The following MACROD2 variants were observed in gnomAD, a reference collection of about 807,000 sequenced individuals.
MACROD2 encodes the protein mono-ADP ribosylhydrolase 2.
A neutral mutation model predicts 70.4 loss-of-function variants in MACROD2; 36 were observed. The observed-to-expected ratio is 0.51, with a 90% CI of 0.39 to 0.68. The LOEUF (loss-of-function observed/expected upper bound fraction) is 0.68, where lower values mean the gene tolerates loss of function less well. Ranked by LOEUF, MACROD2 falls within the 30% of genes least tolerant of loss-of-function variation. The probability of loss-of-function intolerance (pLI) is 0.00; values close to 1 mark genes in which losing one functional copy is unlikely to be tolerated. For missense variants in MACROD2, 496 were observed against 538.4 expected (o/e 0.92, Z 0.78); for synonymous variants, 172 against 178.8 (o/e 0.96, Z 0.30).
chr20:15,767,279 TAAG>T (rs2147008896), intron 8 of MACROD2, among the ~76,000 whole-genome samples: 1 of 152,360 alleles, frequency 6.6e-6, no homozygotes, highest in Non-Finnish European at 1.5e-5. Flanking sequence ...CACCACATTC[TAAG>T]AATGCTGGGG....
At chr20:15,505,249 A>G (rs1396435103) in intron 8 of MACROD2, among the ~76,000 whole-genome samples, 2 of 152,190 alleles carry the variant, frequency 1.3e-5, no homozygotes, top group Non-Finnish European at 2.9e-5. Context: ...CCTACAGCAC[A>G]TAGCACCATG....
At chr20:14,167,180 T>G (rs896328184) in intron 3 of MACROD2, among the ~76,000 whole-genome samples, 8 of 152,204 alleles carry the variant, frequency 5.3e-5, no homozygotes, top group African/African-American at 1.9e-4. Context: ...TTTTGGACTC[T>G]TCTCAGAATT....
At chr20:15,361,325 C>T (rs2078349106) in intron 6 of MACROD2, among the ~76,000 whole-genome samples, 1 of 152,124 alleles carries the variant, frequency 6.6e-6, no homozygotes, top group African/African-American at 2.4e-5. Flanking sequence ...AAAAGGTTAT[C>T]CTTACTCTAT....
chr20:14,700,956 C>CT (rs559442311), intron 5 of MACROD2, among the ~76,000 whole-genome samples: 134 of 152,154 alleles, frequency 8.8e-4, no homozygotes, highest in African/African-American at 2.9e-3. Flanking sequence ...GTAATGGGTT[C>CT]TGTAGCATGC....
intron 5 of MACROD2, among the ~76,000 whole-genome samples, chr20:15,199,562 C>T (rs934366383): frequency 3.3e-5 from 5 of 151,896 alleles, no homozygotes; most frequent in African/African-American, 9.7e-5. Flanking sequence ...GGTAAAGAGC[C>T]GTTAAATGAC....
At chr20:14,572,477 A>G (rs902041925) in intron 4 of MACROD2, among the ~76,000 whole-genome samples, 3 of 152,160 alleles carry the variant, frequency 2.0e-5, no homozygotes, top group African/African-American at 7.2e-5. Context: ...AAGACTGCAT[A>G]AGAATCTCGA....
rs563765027 is a variant in MACROD2 at position 15,441,233 on chromosome 20, A to G, written c.571+9798A>G. On this transcript the variant is annotated intron_variant, in intron 7 of 17. Transcript: ENST00000684519. ...ACATACATCCCAGAAAATATGGTAC[A>G]GACTCCTCTCGTGCTCTCCATACCC... Among the ~76,000 whole-genome samples, 7 of 152,266 alleles carry G rather than the reference A, an allele frequency of 4.6e-5. No homozygotes were observed. The East Asian group carries it at 1.2e-3, about 25-fold the overall frequency.
intron 5 of MACROD2, among the ~76,000 whole-genome samples, chr20:14,824,312 C>T (rs920772581): frequency 6.6e-6 from 1 of 152,002 alleles, no homozygotes; most frequent in Non-Finnish European, 1.5e-5. Context: ...TCATCAGTAG[C>T]AGACGGTAAG....
chr20:14,770,804 A>T lies in MACROD2; in HGVS notation c.418+85845A>T, dbSNP rs537216299. 2.4e-4 allele frequency among the ~76,000 whole-genome samples: 37 copies of T among 152,234 alleles called. No homozygotes were observed. The South Asian group carries it at 7.5e-3, about 31-fold the overall frequency. Reference sequence around the variant, plus strand: ...CCACAGGAGCTAAGTCTTTATTGGAAGTTGTAAAACCTGTGGTAGATCTGG... The same window carrying T: ...CCACAGGAGCTAAGTCTTTATTGGATGTTGTAAAACCTGTGGTAGATCTGG... On this transcript the variant is annotated intron_variant, in intron 5 of 17. Transcript: ENST00000684519.
intron 3 of MACROD2, among the ~76,000 whole-genome samples, chr20:14,474,294 A>G (rs887133961): frequency 2.6e-5 from 4 of 152,114 alleles, no homozygotes; most frequent in African/African-American, 9.7e-5. Context: ...TAGTAGTTTC[A>G]TAGTTTTGGA....
At chr20:14,077,450 A>C (rs2053928969) in intron 2 of MACROD2, among the ~76,000 whole-genome samples, 1 of 152,188 alleles carries the variant, frequency 6.6e-6, no homozygotes. Flanking sequence ...CTGTCTCCTT[A>C]AGTTTTCTTT....
chr20:15,562,644 T>C (rs563571092), intron 8 of MACROD2, among the ~76,000 whole-genome samples: 33 of 152,348 alleles, frequency 2.2e-4, no homozygotes, highest in African/African-American at 7.2e-4. Context: ...GCAAACTTTC[T>C]GAAGTCTTTA....
At chr20:15,863,773 A>G (rs11696492) in intron 9 of MACROD2, among the ~76,000 whole-genome samples, 6,701 of 152,300 alleles carry the variant, frequency 0.044, 188 homozygotes, top group Middle Eastern at 0.1. Flanking sequence ...AACAATAAAG[A>G]GGATGCCTTG....
chr20:15,733,610 T>C (rs927048597), intron 8 of MACROD2, among the ~76,000 whole-genome samples: 3 of 152,212 alleles, frequency 2.0e-5, no homozygotes, highest in African/African-American at 4.8e-5. Context: ...GATTTATTCA[T>C]TGACGTAGAC....
intron 12 of MACROD2, among the ~76,000 whole-genome samples, chr20:15,942,453 G>T (rs1337720982): frequency 6.6e-6 from 1 of 152,138 alleles, no homozygotes; most frequent in Non-Finnish European, 1.5e-5. Context: ...GGGTTGGTAG[G>T]CATTTTGAGG....
intron 8 of MACROD2, among the ~76,000 whole-genome samples, chr20:15,742,970 T>A (rs970492375): frequency 6.6e-6 from 1 of 152,224 alleles, no homozygotes; most frequent in African/African-American, 2.4e-5. Flanking sequence ...TCAGGTCAAT[T>A]GTATTTGTCT....
chr20:14,269,980 C>T (rs1013271591), intron 3 of MACROD2, among the ~76,000 whole-genome samples: 13 of 152,080 alleles, frequency 8.5e-5, no homozygotes, highest in African/African-American at 2.9e-4. Context: ...TTTTTACCTA[C>T]TACTCCAAGA....
In MACROD2 at chr20:15,337,460, G is replaced by A. The variant is rs1038255512; in HGVS notation, c.541-93945G>A. On this transcript the variant is annotated intron_variant, in intron 6 of 17. Coordinates refer to ENST00000684519, the MANE Select transcript of MACROD2 (RefSeq NM_001351661.2). Reference sequence around the variant, plus strand: ...TTTTCTTTTAAGATTTTCTTTAAACGTCTGCATAAAGGTTTTATTTATGTT... The same window carrying A: ...TTTTCTTTTAAGATTTTCTTTAAACATCTGCATAAAGGTTTTATTTATGTT... Among the ~76,000 whole-genome samples, 13 of 151,578 alleles carry A rather than the reference G, an allele frequency of 8.6e-5. 1 individual carries two copies. Among genetic ancestry groups the A allele is most frequent in the East Asian group, 5.8e-4 (3 of 5,178 alleles).
chr20:15,031,872 C>T (rs910284920), intron 5 of MACROD2, among the ~76,000 whole-genome samples: 2 of 152,122 alleles, frequency 1.3e-5, no homozygotes, highest in African/African-American at 2.4e-5. Flanking sequence ...ACCAGGGACT[C>T]GCGCCTTTCT....
Sources: gnomAD v4.1 joint callset for allele counts (sites outside exome capture counted in the v4.1 genomes callset) on GRCh38, gnomAD v4.1.1 for gene constraint, MANE v1.5 for transcripts, NCBI Gene and HGNC (gene_info 2026-07-23, HGNC 2026-07-21) for gene names.